Variants in SLIT2 observed in about 807,000 individuals in gnomAD.
SLIT2 encodes slit homolog 2 protein.
Under a neutral mutation model 185.7 loss-of-function variants are expected in SLIT2, and 41 were observed. The observed-to-expected ratio is 0.22, with a 90% CI of 0.17 to 0.29. The LOEUF is 0.29. Ranked by LOEUF, SLIT2 falls within the 10% of genes least tolerant of loss-of-function variation. SLIT2 has a pLI of 1.00. For synonymous variants in SLIT2, 693 were observed against 680.2 expected (o/e 1.02, Z -0.29); for missense variants, 1,571 against 1,909.0 (o/e 0.82, Z 3.30).
At chr4:20,438,469 A>G (rs1729512966) in intron 4 of SLIT2, among the ~76,000 whole-genome samples, 1 of 152,132 alleles carries the variant, frequency 6.6e-6, no homozygotes, top group Admixed American at 6.5e-5. Flanking sequence ...ATTCACAATC[A>G]TGAAAACAGT....
At chr4:20,294,888 G>C (rs572092389) in intron 4 of SLIT2, among the ~76,000 whole-genome samples, 1 of 152,264 alleles carries the variant, frequency 6.6e-6, no homozygotes, top group East Asian at 1.9e-4. Flanking sequence ...GTATTAAAAG[G>C]TCTGAATGGT....
At chr4:20,256,362 A>G (rs1019711487) in intron 1 of SLIT2, among the ~76,000 whole-genome samples, 3 of 151,996 alleles carry the variant, frequency 2.0e-5, no homozygotes, top group African/African-American at 7.3e-5. Context: ...AATACCTGTG[A>G]AATTAATATA....
intron 23 of SLIT2, 58 bp from the exon 24 acceptor site, chr4:20,548,999 A>G (rs373387069): frequency 3.5e-5 from 32 of 922,930 alleles, no homozygotes; most frequent in Non-Finnish European, 5.4e-5. Flanking sequence ...TATTTTTGGA[A>G]GTATTTGGCC....
intron 4 of SLIT2, among the ~76,000 whole-genome samples, chr4:20,379,850 G>C (rs1032309782): frequency 1.3e-5 from 2 of 152,230 alleles, no homozygotes; most frequent in African/African-American, 2.4e-5. Flanking sequence ...GGGAAGGGGA[G>C]CCCAAACAGA....
At chr4:20,525,405 T>C (rs532484910) in intron 15 of SLIT2, among the ~76,000 whole-genome samples, 26 of 152,294 alleles carry the variant, frequency 1.7e-4, no homozygotes, top group African/African-American at 5.8e-4. Flanking sequence ...TCTTTTACTT[T>C]GGCGCATTAT....
intron 4 of SLIT2, among the ~76,000 whole-genome samples, chr4:20,288,229 G>A (rs1008491425): frequency 6.6e-6 from 1 of 152,204 alleles, no homozygotes; most frequent in Non-Finnish European, 1.5e-5. Context: ...GTTTTTGTGG[G>A]CAAACAGGGT....
intron 4 of SLIT2, among the ~76,000 whole-genome samples, chr4:20,455,322 A>G (rs1712944853): frequency 6.6e-6 from 1 of 152,168 alleles, no homozygotes; most frequent in South Asian, 2.1e-4. Context: ...ACCAGAACAG[A>G]CAAGACTTCT....
intron 4 of SLIT2, among the ~76,000 whole-genome samples, chr4:20,391,498 A>G (rs2109367735): frequency 6.6e-6 from 1 of 152,240 alleles, no homozygotes; most frequent in South Asian, 2.1e-4. Flanking sequence ...TTCAACAGAT[A>G]ATTTGCCTTT....
intron 8 of SLIT2, among the ~76,000 whole-genome samples, chr4:20,490,403 C>T (rs1717677069): frequency 6.6e-6 from 1 of 151,916 alleles, no homozygotes; most frequent in Non-Finnish European, 1.5e-5. Context: ...ACACACACCC[C>T]CATACATAGT....
chr4:20,283,955 G>A (rs1243031835), intron 4 of SLIT2, among the ~76,000 whole-genome samples: 1 of 151,854 alleles, frequency 6.6e-6, no homozygotes, highest in Admixed American at 6.6e-5. Context: ...TGTATATATC[G>A]CAGTGTGTAT....
chr4:20,360,208 A>G (rs1722632658), intron 4 of SLIT2, among the ~76,000 whole-genome samples: 1 of 152,154 alleles, frequency 6.6e-6, no homozygotes, highest in African/African-American at 2.4e-5. Context: ...TTCAATAAAT[A>G]TCAACTGAAT....
At chr4:20,399,744 A>G (rs751206891) in intron 4 of SLIT2, among the ~76,000 whole-genome samples, 102 of 151,784 alleles carry the variant, frequency 6.7e-4, no homozygotes, top group Non-Finnish European at 1.3e-3. Flanking sequence ...GTGATATTAC[A>G]CTATGTAAGA....
chr4:20,580,756 AAT>A (rs1726491730), intron 29 of SLIT2, among the ~76,000 whole-genome samples: 1 of 150,842 alleles, frequency 6.6e-6, no homozygotes, highest in African/African-American at 2.4e-5. Flanking sequence ...ATGTAGAGCT[AAT>A]CTACACTACT....
chr4:20,605,461 A>C (rs1247242155), intron 33 of SLIT2, among the ~76,000 whole-genome samples: 2 of 152,182 alleles, frequency 1.3e-5, no homozygotes. Context: ...TGCAATTCAA[A>C]TTCCCAGTGG....
intron 7 of SLIT2, among the ~76,000 whole-genome samples, chr4:20,486,708 T>G (rs1340849891): frequency 6.6e-6 from 1 of 152,184 alleles, no homozygotes; most frequent in Non-Finnish European, 1.5e-5. Flanking sequence ...ATTAAGATTG[T>G]GTCAGCATTT....
chr4:20,347,894 T>G (rs1264205386), intron 4 of SLIT2, among the ~76,000 whole-genome samples: 2 of 152,200 alleles, frequency 1.3e-5, no homozygotes, highest in Non-Finnish European at 2.9e-5. Context: ...TTGACTTTAT[T>G]CTCTAACACA....
chr4:20,578,787 AAGAG>A (rs1189647957), intron 29 of SLIT2, among the ~76,000 whole-genome samples: 1 of 152,212 alleles, frequency 6.6e-6, no homozygotes, highest in Non-Finnish European at 1.5e-5. Context: ...GGGAAAATTA[AAGAG>A]AGATACTCAA....
intron 18 of SLIT2, 120 bp from the exon 19 acceptor site, chr4:20,539,321 A>G: frequency 2.5e-6 from 2 of 815,172 alleles, no homozygotes; most frequent in South Asian, 1.9e-5. Flanking sequence ...TAGCAAGAGA[A>G]CATTTTTAAA....
intron 9 of SLIT2, among the ~76,000 whole-genome samples, chr4:20,492,804 TTTAA>T (rs1560472704): frequency 6.6e-6 from 1 of 152,190 alleles, no homozygotes; most frequent in Non-Finnish European, 1.5e-5. Flanking sequence ...AACCAATTTA[TTTAA>T]TTATGATAAT....
Sources: gnomAD v4.1 joint callset for allele counts (sites outside exome capture counted in the v4.1 genomes callset) on GRCh38, gnomAD v4.1.1 for gene constraint, MANE v1.5 for transcripts, NCBI Gene and HGNC (gene_info 2026-07-23, HGNC 2026-07-21) for gene names.